The following GPHN variants were observed in gnomAD, a reference collection of about 807,000 sequenced individuals.
GPHN encodes the protein gephyrin.
A neutral mutation model predicts 95.5 loss-of-function variants in GPHN; 17 were observed. That is an observed-to-expected ratio of 0.18 (90% CI 0.12 to 0.27). GPHN has a LOEUF of 0.27. Among genes scored for constraint, GPHN ranks in the 10% least tolerant of loss-of-function variants. The pLI is 1.00. For synonymous variants in GPHN, 320 were observed against 322.5 expected (o/e 0.99, Z 0.08); for missense variants, 660 against 978.1 (o/e 0.67, Z 4.34).
intron 4 of GPHN, among the ~76,000 whole-genome samples, chr14:66,830,387 A>G (rs2061541099): frequency 6.6e-6 from 1 of 152,146 alleles, no homozygotes; most frequent in Non-Finnish European, 1.5e-5. Flanking sequence ...TCTAAATAAT[A>G]TATAGAATTC....
the GPHN span, among the ~76,000 whole-genome samples, chr14:67,601,762 C>T: frequency 6.6e-6 from 1 of 151,964 alleles, no homozygotes; most frequent in African/African-American, 2.4e-5. Flanking sequence ...ATTACCTGGG[C>T]ATGGTGGAGC....
At chr14:67,647,949 C>A in the GPHN span, 1 of 1,198,284 alleles carries the variant, frequency 8.3e-7, no homozygotes. Flanking sequence ...GGACTAATAG[C>A]AACAAAATCA....
the GPHN span, among the ~76,000 whole-genome samples, chr14:67,263,906 A>T: frequency 6.6e-6 from 1 of 152,082 alleles, no homozygotes; most frequent in Non-Finnish European, 1.5e-5. Context: ...CTATTTTTTT[A>T]GAGGTGGGGT....
the GPHN span, among the ~76,000 whole-genome samples, chr14:67,440,537 A>C: frequency 3.3e-5 from 5 of 152,126 alleles, no homozygotes; most frequent in African/African-American, 9.7e-5. Flanking sequence ...AGATCACTTG[A>C]AGCCAGGAGT....
At chr14:67,317,278 C>A in the GPHN span, 1 of 734,630 alleles carries the variant, frequency 1.4e-6, no homozygotes, top group Non-Finnish European at 2.2e-6. Context: ...GCGTGGCCAA[C>A]ATATGGAGAT....
the GPHN span, among the ~76,000 whole-genome samples, chr14:67,598,835 G>C: frequency 4.6e-5 from 7 of 150,976 alleles, no homozygotes; most frequent in East Asian, 1.4e-3. Context: ...TGAGCCTTCC[G>C]AGTGGCTGAG....
the GPHN span, among the ~76,000 whole-genome samples, chr14:67,699,586 T>C: frequency 3.7e-5 from 3 of 80,130 alleles, no homozygotes; most frequent in Non-Finnish European, 6.3e-5. Context: ...CAAGACCCTA[T>C]CTCAAAAAAA....
chr14:66,864,045 A>G (rs2063136746), intron 4 of GPHN, among the ~76,000 whole-genome samples: 1 of 152,208 alleles, frequency 6.6e-6, no homozygotes, highest in African/African-American at 2.4e-5. Flanking sequence ...GAATAGGAGA[A>G]AATATTTGCA....
intron 18 of GPHN, among the ~76,000 whole-genome samples, chr14:67,158,078 G>A (rs577595354): frequency 1.2e-4 from 19 of 152,074 alleles, no homozygotes; most frequent in African/African-American, 3.4e-4. Flanking sequence ...AGGCCGAGAC[G>A]GGTGGATCAC....
chr14:67,138,345 G>A (rs1023339063), intron 17 of GPHN, among the ~76,000 whole-genome samples: 4 of 152,054 alleles, frequency 2.6e-5, no homozygotes, highest in African/African-American at 7.2e-5. Context: ...TAAATATAAG[G>A]TCAGATTATA....
chr14:67,709,172 G>C, the GPHN span, among the ~76,000 whole-genome samples: 1 of 152,014 alleles, frequency 6.6e-6, no homozygotes, highest in South Asian at 2.1e-4. Context: ...AAATATCAAA[G>C]GTTTAAAACA....
At chr14:67,321,477 A>C in the GPHN span, among the ~76,000 whole-genome samples, 1 of 152,314 alleles carries the variant, frequency 6.6e-6, no homozygotes, top group Non-Finnish European at 1.5e-5. Flanking sequence ...CAGGTTGACT[A>C]TCTCTTATTC....
the GPHN span, among the ~76,000 whole-genome samples, chr14:67,348,132 T>C: frequency 2.5e-3 from 373 of 151,894 alleles, no homozygotes; most frequent in Non-Finnish European, 3.6e-3. Flanking sequence ...TGGAGTACAA[T>C]GGCGCAATCT....
At chr14:67,424,669 A>C in the GPHN span, among the ~76,000 whole-genome samples, 2 of 150,930 alleles carry the variant, frequency 1.3e-5, no homozygotes, top group Non-Finnish European at 2.9e-5. Context: ...CTATGGTCCC[A>C]GTCTCAGCAT....
At chr14:66,540,234 A>G (rs1447946604) in intron 1 of GPHN, among the ~76,000 whole-genome samples, 1 of 152,186 alleles carries the variant, frequency 6.6e-6, no homozygotes, top group Middle Eastern at 3.2e-3. Context: ...TAACAGAGGG[A>G]AAAAAGAAAA....
the GPHN span, among the ~76,000 whole-genome samples, chr14:67,490,693 C>G: frequency 6.6e-6 from 1 of 152,128 alleles, no homozygotes; most frequent in Non-Finnish European, 1.5e-5. Flanking sequence ...AGATCTCTCT[C>G]CCCGGCCCCT....
At chr14:67,277,653 ACCTG>A in the GPHN span, among the ~76,000 whole-genome samples, 2 of 152,238 alleles carry the variant, frequency 1.3e-5, no homozygotes, top group African/African-American at 4.8e-5. Flanking sequence ...TATGTAAACA[ACCTG>A]CCTATGTATG....
At chr14:67,447,136 C>T in the GPHN span, 1 of 152,234 alleles carries the variant, frequency 6.6e-6, no homozygotes, top group Non-Finnish European at 1.5e-5. Flanking sequence ...CTGAGAAGGA[C>T]AAGATTGAGG....
chr14:66,972,294 A>AAAAG (rs142241063), intron 9 of GPHN, among the ~76,000 whole-genome samples: 44,690 of 146,948 alleles, frequency 0.3, 10,880 homozygotes, highest in African/African-American at 0.66. Context: ...AGAAAGAAAA[A>AAAAG]AAAGAAAAAA....
Sources: allele counts gnomAD v4.1 joint callset (sites outside exome capture counted in the v4.1 genomes callset), GRCh38; gene constraint gnomAD v4.1.1; transcripts MANE v1.5; gene names NCBI Gene and HGNC (gene_info 2026-07-23, HGNC 2026-07-21).